Variants in KSR2 observed in about 807,000 individuals in gnomAD.
The protein encoded by KSR2 is kinase suppressor of ras 2.
KSR2 carries 25 observed loss-of-function variants against 107.8 expected under a neutral mutation model. The ratio of observed to expected loss-of-function variants is 0.23; its 90% CI spans 0.17 to 0.32. KSR2 has a LOEUF of 0.32. Ranked by LOEUF, KSR2 falls within the 10% of genes least tolerant of loss-of-function variation. The probability of loss-of-function intolerance (pLI) is 1.00; values close to 1 mark genes in which losing one functional copy is unlikely to be tolerated. For missense variants in KSR2, 887 were observed against 1,268.9 expected (o/e 0.70, Z 4.57); for synonymous variants, 480 against 507.0 (o/e 0.95, Z 0.71).
chr12:117,470,400 TCCATCCATCCGTTTA>T (rs1871376690), intron 18 of KSR2, among the ~76,000 whole-genome samples: 1 of 152,110 alleles, frequency 6.6e-6, no homozygotes, highest in African/African-American at 2.4e-5. Flanking sequence ...CATCCATCCA[TCCATCCATCCGTTTA>T]CCATCCATCC....
chr12:117,840,428 C>T lies in KSR2; in HGVS notation c.472+15000G>A, dbSNP rs78443830. On this transcript the variant is annotated intron_variant, in intron 3 of 19. Transcript: ENST00000339824. Reference sequence around the variant, plus strand: ...ATTTATTTATTGAGATGGAATCTTGCTCTGTTGCCCAGGCTGGAGTGCAGT... The same window carrying T: ...ATTTATTTATTGAGATGGAATCTTGTTCTGTTGCCCAGGCTGGAGTGCAGT... 5.6e-3 allele frequency among the ~76,000 whole-genome samples: 844 copies of T among 152,052 alleles called. 33 individuals are homozygous for T. In the East Asian group the frequency reaches 0.099, roughly 18 times the overall value.
rs1113407 is a variant in KSR2 at position 117,498,216 on chromosome 12, C to T, written c.2220-12525G>A. Among the ~76,000 whole-genome samples, 1,472 of 152,208 alleles carry T rather than the reference C, an allele frequency of 9.7e-3. 83 individuals are homozygous for T. The highest frequency in any genetic ancestry group is 0.09 in the Admixed American group (1,375 of 15,296). On this transcript the variant is annotated intron_variant, in intron 14 of 19. Transcript: ENST00000339824. ...GATGACTTAGCAGAGCAGGTGACTCCGGAGATTCAGAGAGCCTGACCTCTG... is the reference window on the plus strand; with the variant it reads ...GATGACTTAGCAGAGCAGGTGACTCTGGAGATTCAGAGAGCCTGACCTCTG...
At chr12:117,789,882 A>G (rs139151792) in intron 3 of KSR2, among the ~76,000 whole-genome samples, 1 of 152,362 alleles carries the variant, frequency 6.6e-6, no homozygotes, top group African/African-American at 2.4e-5. Flanking sequence ...TAAAGCCTGC[A>G]AAGTATTGTC....
rs117241646 is a variant in KSR2 at position 117,671,341 on chromosome 12, T to C, written c.987-3683A>G. ...CTCGATTGATTGATCATTAGATAGA[T>C]AGATAGATAGATAGACAGACAGACG... On this transcript the variant is annotated intron_variant, in intron 4 of 19. Coordinates refer to ENST00000339824, the MANE Select transcript of KSR2 (RefSeq NM_173598.6). Among the ~76,000 whole-genome samples, 77 of 152,254 alleles carry C rather than the reference T, an allele frequency of 5.1e-4. 2 individuals are homozygous for C. The highest frequency in any genetic ancestry group is 2.9e-3 in the South Asian group (14 of 4,816).
intron 5 of KSR2, among the ~76,000 whole-genome samples, chr12:117,654,953 T>G (rs946813936): frequency 1.3e-5 from 2 of 152,160 alleles, no homozygotes; most frequent in African/African-American, 4.8e-5. Context: ...CTCAGCAACA[T>G]GGACTTCCAC....
chr12:117,853,450 C>T (rs532139409), intron 3 of KSR2, among the ~76,000 whole-genome samples: 12 of 152,156 alleles, frequency 7.9e-5, no homozygotes, highest in Middle Eastern at 3.4e-3. Flanking sequence ...TCAAGCAATC[C>T]TCCCACTTCA....
At chr12:117,929,984 C>T (rs530785856) in intron 1 of KSR2, among the ~76,000 whole-genome samples, 13 of 152,154 alleles carry the variant, frequency 8.5e-5, no homozygotes, top group African/African-American at 2.6e-4. Context: ...CTGAATTGGA[C>T]ACTTACAATT....
intron 4 of KSR2, among the ~76,000 whole-genome samples, chr12:117,720,501 G>A (rs928048399): frequency 2.0e-5 from 3 of 152,182 alleles, no homozygotes; most frequent in Non-Finnish European, 4.4e-5. Flanking sequence ...AAAGTAACAC[G>A]AGGCAGAGGC....
chr12:117,691,562 G>A (rs1466967218), intron 4 of KSR2, among the ~76,000 whole-genome samples: 1 of 152,050 alleles, frequency 6.6e-6, no homozygotes, highest in Non-Finnish European at 1.5e-5. Context: ...GCTGCCCACT[G>A]AAGGCCATGC....
At chr12:117,658,161 G>A (rs1393866807) in intron 5 of KSR2, among the ~76,000 whole-genome samples, 2 of 152,216 alleles carry the variant, frequency 1.3e-5, no homozygotes, top group African/African-American at 2.4e-5. Context: ...GAGAGCACAG[G>A]AGCCAGCCAG....
At chr12:117,496,589 A>G (rs998863837) in intron 14 of KSR2, among the ~76,000 whole-genome samples, 6 of 152,214 alleles carry the variant, frequency 3.9e-5, no homozygotes, top group Non-Finnish European at 7.3e-5. Flanking sequence ...GGGAAAAATC[A>G]GTGTATTTTA....
rs186643731 is a variant in KSR2 at position 117,846,826 on chromosome 12, G to A, written c.472+8602C>T. ...AAGTTTACCTGGTCACACGAGTCTGGTGACCGCTGTACTGAACAGTGCAGG... is the reference window on the plus strand; with the variant it reads ...AAGTTTACCTGGTCACACGAGTCTGATGACCGCTGTACTGAACAGTGCAGG... On this transcript the variant is annotated intron_variant, in intron 3 of 19. Transcript: ENST00000339824. Among the ~76,000 whole-genome samples, 350 of 152,312 alleles carry A rather than the reference G, an allele frequency of 2.3e-3. 2 individuals are homozygous for A. The highest frequency in any genetic ancestry group is 8.1e-3 in the African/African-American group (338 of 41,550).
intron 5 of KSR2, among the ~76,000 whole-genome samples, chr12:117,612,464 A>G (rs1881659731): frequency 6.6e-6 from 1 of 152,182 alleles, no homozygotes. Context: ...AAAAATTTAA[A>G]TCACGTTTGT....
chr12:117,867,175 G>A (rs1236957128), intron 1 of KSR2, among the ~76,000 whole-genome samples: 1 of 152,094 alleles, frequency 6.6e-6, no homozygotes, highest in Non-Finnish European at 1.5e-5. Flanking sequence ...AATGATCCAG[G>A]CATGGTGTTG....
At chr12:117,793,294 AT>A (rs1422216868) in intron 3 of KSR2, among the ~76,000 whole-genome samples, 17 of 114,366 alleles carry the variant, frequency 1.5e-4, no homozygotes, top group Admixed American at 2.7e-4. Flanking sequence ...GCAACATACC[AT>A]ACACACAACA....
At chr12:117,606,144 T>C (rs1881216919) in intron 5 of KSR2, among the ~76,000 whole-genome samples, 4 of 152,160 alleles carry the variant, frequency 2.6e-5, no homozygotes, top group Admixed American at 2.0e-4. Context: ...AATGGATAGG[T>C]GAAAGTTCAA....
chr12:117,872,124 T>G (rs1462063670), intron 1 of KSR2, among the ~76,000 whole-genome samples: 1 of 152,212 alleles, frequency 6.6e-6, no homozygotes, highest in African/African-American at 2.4e-5. Context: ...GCTACGTACT[T>G]GATACATTAT....
intron 14 of KSR2, chr12:117,517,950 T>G: frequency 2.2e-6 from 1 of 445,982 alleles, no homozygotes; most frequent in South Asian, 1.6e-5. Context: ...GGGTTCTCCA[T>G]GCATCTGTCA....
chr12:117,881,682 T>C (rs1894032086), intron 1 of KSR2, among the ~76,000 whole-genome samples: 1 of 152,224 alleles, frequency 6.6e-6, no homozygotes, highest in African/African-American at 2.4e-5. Context: ...GTCAGCTGAC[T>C]TGCCTTGCAC....
Sources: allele counts gnomAD v4.1 joint callset (sites outside exome capture counted in the v4.1 genomes callset), GRCh38; gene constraint gnomAD v4.1.1; transcripts MANE v1.5; gene names NCBI Gene and HGNC (gene_info 2026-07-23, HGNC 2026-07-21).